CEP128: variants seen among roughly 807,000 people sequenced by gnomAD.
CEP128 encodes centrosomal protein 128kDa.
Under a neutral mutation model 156.7 loss-of-function variants are expected in CEP128, and 132 were observed. The observed-to-expected ratio is 0.84, with a 90% CI of 0.73 to 0.97. The LOEUF (loss-of-function observed/expected upper bound fraction) is 0.97. Among genes scored for constraint, CEP128 ranks in the 50% least tolerant of loss-of-function variants. The probability of loss-of-function intolerance (pLI) is 0.00; values close to 1 mark genes in which losing one functional copy is unlikely to be tolerated. For missense variants in CEP128, 1,252 were observed against 1,281.9 expected, an observed-to-expected ratio of 0.98 and a Z score of 0.36; for synonymous variants, 469 against 448.9, an observed-to-expected ratio of 1.04 and a Z score of -0.57.
chr14:80,892,767 AC>A (rs940913483), intron 8 of CEP128, among the ~76,000 whole-genome samples: 1 of 152,028 alleles, frequency 6.6e-6, no homozygotes, highest in African/African-American at 2.4e-5. Flanking sequence ...TCCATAGAAG[AC>A]AAAAATCACC....
intron 2 of CEP128, among the ~76,000 whole-genome samples, chr14:80,947,235 C>T (rs1886367880): frequency 6.6e-6 from 1 of 152,194 alleles, no homozygotes; most frequent in Admixed American, 6.5e-5. Context: ...GAAATACCAA[C>T]ATTTTCCTCA....
chr14:80,921,723 G>C (rs1395028364), intron 2 of CEP128, among the ~76,000 whole-genome samples: 1 of 151,964 alleles, frequency 6.6e-6, no homozygotes, highest in Non-Finnish European at 1.5e-5. Context: ...TAGCACTTTG[G>C]GAGGCCAAGG....
At chr14:80,810,064 C>A (rs1884417572) in intron 13 of CEP128, among the ~76,000 whole-genome samples, 1 of 151,920 alleles carries the variant, frequency 6.6e-6, no homozygotes, top group African/African-American at 2.4e-5. Flanking sequence ...TGGCTCATGC[C>A]TGTAATCCCA....
chr14:80,811,679 G>A (rs999088968), intron 13 of CEP128, among the ~76,000 whole-genome samples: 16 of 39,416 alleles, frequency 4.1e-4, no homozygotes, highest in African/African-American at 1.1e-3. Context: ...ACAGACATAT[G>A]TGTGTGTGTG....
rs1900272606 is a variant in CEP128 at position 80,767,006 on chromosome 14, C to T, written c.2377-5393G>A. ...TCAAGATAAAACTGTTATGCCTAAGCTTTAAATCCAGGACACTAGCATTAC... is the reference window on the plus strand; with the variant it reads ...TCAAGATAAAACTGTTATGCCTAAGTTTTAAATCCAGGACACTAGCATTAC... On this transcript the variant is annotated intron_variant, in intron 16 of 24. Coordinates refer to ENST00000555265, the MANE Select transcript of CEP128 (RefSeq NM_152446.5). 3.3e-5 allele frequency among the ~76,000 whole-genome samples: 5 copies of T among 152,128 alleles called. No homozygotes were observed. The South Asian group carries it at 8.3e-4, about 25-fold the overall frequency.
At chr14:80,506,333 CTCT>C (rs1283753719) in intron 23 of CEP128, among the ~76,000 whole-genome samples, 1 of 73,312 alleles carries the variant, frequency 1.4e-5, no homozygotes, top group East Asian at 4.5e-4. Flanking sequence ...GGATTTGAAA[CTCT>C]TTTTTTTTTT....
intron 19 of CEP128, among the ~76,000 whole-genome samples, chr14:80,679,576 C>T (rs943224283): frequency 6.6e-6 from 1 of 152,052 alleles, no homozygotes; most frequent in Non-Finnish European, 1.5e-5. Context: ...GCTCTCAAAC[C>T]CTGTTTCCTG....
chr14:80,572,929 G>T (rs1325138315), intron 20 of CEP128, among the ~76,000 whole-genome samples: 1 of 152,016 alleles, frequency 6.6e-6, no homozygotes, highest in Non-Finnish European at 1.5e-5. Context: ...ACTGTTTTTT[G>T]TTTTTTGTTT....
intron 2 of CEP128, among the ~76,000 whole-genome samples, chr14:80,935,611 A>G (rs977755882): frequency 4.0e-5 from 5 of 124,400 alleles, no homozygotes; most frequent in Non-Finnish European, 6.5e-5. Flanking sequence ...AAAATAAAGT[A>G]CTTATTGTTG....
chr14:80,891,760 T>C (rs890914762), intron 8 of CEP128, among the ~76,000 whole-genome samples: 2 of 152,034 alleles, frequency 1.3e-5, no homozygotes, highest in African/African-American at 4.8e-5. Flanking sequence ...TACCCTGATG[T>C]GATTATTATA....
chr14:80,905,279 C>A (rs28669892), intron 5 of CEP128, among the ~76,000 whole-genome samples: 9,892 of 151,682 alleles, frequency 0.065, 1,062 homozygotes, highest in African/African-American at 0.23. Context: ...CTAAAAAAAA[C>A]AACTTTTCAA....
intron 19 of CEP128, among the ~76,000 whole-genome samples, chr14:80,634,482 A>T (rs1410050112): frequency 1.0e-5 from 1 of 97,726 alleles, no homozygotes; most frequent in Non-Finnish European, 2.0e-5. Context: ...GTAGAAAACA[A>T]GAAAAGCAAA....
intron 8 of CEP128, 144 bp from the exon 9 acceptor site, chr14:80,863,017 A>C (rs1416269309): frequency 3.8e-6 from 2 of 530,224 alleles, no homozygotes; most frequent in Non-Finnish European, 6.5e-6. Flanking sequence ...TAATGACGCT[A>C]ACATGAAATA....
intron 13 of CEP128, chr14:80,822,646 TA>T: frequency 8.1e-6 from 6 of 744,912 alleles, no homozygotes; most frequent in East Asian, 2.5e-5. Flanking sequence ...AACCCAAGCG[TA>T]AAAAGGCCCC....
At chr14:80,811,670 CAG>C (rs1212917477) in intron 13 of CEP128, among the ~76,000 whole-genome samples, 2 of 130,158 alleles carry the variant, frequency 1.5e-5, no homozygotes, top group African/African-American at 5.8e-5. Flanking sequence ...TGTGTGTGTA[CAG>C]ACATATGTGT....
chr14:80,554,856 A>T (rs978746188), intron 21 of CEP128, among the ~76,000 whole-genome samples: 2 of 151,360 alleles, frequency 1.3e-5, no homozygotes, highest in Non-Finnish European at 3.0e-5. Flanking sequence ...TTACTCTTTT[A>T]ATTTCCTTTT....
chr14:80,544,312 A>G (rs1889890195), intron 21 of CEP128, among the ~76,000 whole-genome samples: 1 of 152,214 alleles, frequency 6.6e-6, no homozygotes, highest in African/African-American at 2.4e-5. Context: ...TAAAAATACC[A>G]TAAAGTGGGT....
intron 19 of CEP128, among the ~76,000 whole-genome samples, chr14:80,644,792 A>C (rs915119478): frequency 6.6e-6 from 1 of 152,190 alleles, no homozygotes; most frequent in Non-Finnish European, 1.5e-5. Context: ...TTAATGTTTA[A>C]TGTGGATTAG....
intron 19 of CEP128, among the ~76,000 whole-genome samples, chr14:80,700,387 A>T (rs1430243380): frequency 6.6e-6 from 1 of 152,092 alleles, no homozygotes; most frequent in African/African-American, 2.4e-5. Context: ...TGCAACTGTC[A>T]TAGTACAGAG....
Sources: allele counts gnomAD v4.1 joint callset (sites outside exome capture counted in the v4.1 genomes callset), GRCh38; gene constraint gnomAD v4.1.1; transcripts MANE v1.5; gene names NCBI Gene and HGNC (gene_info 2026-07-23, HGNC 2026-07-21).